The following THRAP3 variants were observed in gnomAD, a reference collection of about 807,000 sequenced individuals.
THRAP3 encodes the protein thyroid hormone receptor-associated protein 3.
Under a neutral mutation model 101.0 loss-of-function variants are expected in THRAP3, and 16 were observed. That is an observed-to-expected ratio of 0.16 (90% confidence interval 0.11 to 0.24). The LOEUF is 0.24. Ranked by LOEUF, THRAP3 falls within the 10% of genes least tolerant of loss-of-function variation. The pLI, the probability that THRAP3 is intolerant of heterozygous loss-of-function variation, is 1.00. For synonymous variants in THRAP3, 407 were observed against 422.6 expected, an observed-to-expected ratio of 0.96 and a Z score of 0.45; for missense variants, 989 against 1,202.7, an observed-to-expected ratio of 0.82 and a Z score of 2.63.
intron 2 of THRAP3, among the ~76,000 whole-genome samples, chr1:36,266,765 A>G (rs1461976345): frequency 6.6e-6 from 1 of 152,224 alleles, no homozygotes; most frequent in African/African-American, 2.4e-5. Flanking sequence ...CAGTCAGAGA[A>G]GGTAGGTGGC....
At chr1:36,279,781 T>C (rs1162367800) in intron 2 of THRAP3, among the ~76,000 whole-genome samples, 1 of 152,218 alleles carries the variant, frequency 6.6e-6, no homozygotes, top group Non-Finnish European at 1.5e-5. Context: ...GCGTTTTTTG[T>C]CTTTTGGAAA....
At chr1:36,277,848 C>A (rs1056411814) in intron 2 of THRAP3, among the ~76,000 whole-genome samples, 1 of 152,072 alleles carries the variant, frequency 6.6e-6, no homozygotes, top group African/African-American at 2.4e-5. Flanking sequence ...CCACCTCTGC[C>A]CCCCAGGTTC....
At chr1:36,223,845 C>A (rs1277547187), upstream of THRAP3, among the ~76,000 whole-genome samples, 3 of 152,130 alleles carry the variant, frequency 2.0e-5, no homozygotes. Context: ...ATTAAAAAAA[C>A]GAAACCAAAC....
intron 7 of THRAP3, 22 bp downstream of exon 7, chr1:36,292,731 T>C: frequency 1.3e-6 from 2 of 1,550,716 alleles, no homozygotes; most frequent in South Asian, 2.4e-5. Context: ...GGCCTTATAC[T>C]GGAGGTTGTA....
rs185354081 is a variant in THRAP3 at position 36,240,527 on chromosome 1, A to T, written c.-135+16022A>T. Among the ~76,000 whole-genome samples the T allele has an allele frequency of 7.4e-4, 112 of 152,282 alleles. 2 individuals are homozygous for T. In the East Asian group the frequency reaches 0.013, roughly 18 times the overall value. On this transcript the variant is annotated intron_variant, in intron 1 of 11. Coordinates refer to ENST00000354618, the MANE Select transcript of THRAP3 (RefSeq NM_005119.4). The stretch of plus-strand genomic sequence containing the variant: ...CCACCCACATTGAGAGTCCAGCTGG[A>T]CATGTGGGCTGGTTCCTCTCACAGT...
intron 7 of THRAP3, 132 bp from the exon 8 acceptor site, chr1:36,293,719 A>C (rs1160882457): frequency 1.2e-5 from 8 of 664,028 alleles, no homozygotes; most frequent in Non-Finnish European, 2.1e-5. Flanking sequence ...AGTAAAAGTA[A>C]TAGATACATA....
chr1:36,264,859 C>T (rs771972759), intron 2 of THRAP3, among the ~76,000 whole-genome samples: 1 of 152,072 alleles, frequency 6.6e-6, no homozygotes, highest in Non-Finnish European at 1.5e-5. Context: ...GCTTCAACAA[C>T]AGCAGTTCTA....
the THRAP3 span, among the ~76,000 whole-genome samples, chr1:36,212,585 C>T: frequency 6.6e-6 from 1 of 151,748 alleles, no homozygotes; most frequent in East Asian, 1.9e-4. Context: ...CATGCTCGGC[C>T]AGTTTTTGTA....
At chr1:36,294,396 A>G (rs1168984867) in intron 8 of THRAP3, among the ~76,000 whole-genome samples, 2 of 152,166 alleles carry the variant, frequency 1.3e-5, no homozygotes, top group South Asian at 2.1e-4. Flanking sequence ...ATTGTACCAT[A>G]TCTATCATCT....
At chr1:36,289,816 C>T (rs749527447) in intron 5 of THRAP3, 52 bp downstream of exon 5, 51 of 1,530,042 alleles carry the variant, frequency 3.3e-5, no homozygotes, top group African/African-American at 2.8e-5. Context: ...TAAGTGGTGT[C>T]GCCTAGCCTT....
intron 10 of THRAP3, 100 bp from the exon 11 acceptor site, chr1:36,301,453 T>C: frequency 7.0e-7 from 1 of 1,431,680 alleles, no homozygotes; most frequent in Non-Finnish European, 9.5e-7. Flanking sequence ...AAGACAGCTG[T>C]CTATTCCACA....
At position 36,259,470 on chromosome 1, in the gene THRAP3, C is replaced by G. The variant is rs1645416517; in HGVS notation, c.-46C>G. 2.5e-6 allele frequency: 1 copy of G among 398,386 alleles called. No homozygotes were observed. Among genetic ancestry groups the G allele is most frequent in the South Asian group, 1.3e-4 (1 of 7,854 alleles). The allele number at this position is 398,386 out of a possible 1,614,324, so 24.7% of individuals were successfully genotyped here. ...GTCTGGGATCCAGTACGAGTTGAATCATTGTTCAAATAAGGTAAAAGCATG... is the reference window on the plus strand; with the variant it reads ...GTCTGGGATCCAGTACGAGTTGAATGATTGTTCAAATAAGGTAAAAGCATG... On this transcript the variant is annotated 5_prime_UTR_variant, in exon 2 of 12. It adds an upstream start codon to the 5' untranslated region. Transcript: ENST00000354618.
the THRAP3 span, among the ~76,000 whole-genome samples, chr1:36,215,048 C>T: frequency 5.3e-5 from 8 of 151,122 alleles, no homozygotes; most frequent in Non-Finnish European, 1.0e-4. Flanking sequence ...GATGAAACCC[C>T]GTCTCTACTA....
chr1:36,287,396 G>A (rs930040980), intron 4 of THRAP3, 126 bp downstream of exon 4: 50 of 1,384,448 alleles, frequency 3.6e-5, no homozygotes, highest in South Asian at 2.4e-4. Context: ...TAGACTTTTC[G>A]TTAGTAAACA....
rs1275858023 is a variant in THRAP3 at position 36,292,256 on chromosome 1, CTTTGTTTCTTTTTTTTT to C, written c.1919-338_1919-322del. ...CTGCCTTTGGTAACATAATGTGTTT[CTTTGTTTCTTTTTTTTT>C]TTTTTTTTTTTTTTTTGAGACGGAG... On this transcript the variant is annotated intron_variant, in intron 6 of 11. Transcript: ENST00000354618. Among the ~76,000 whole-genome samples, 366 of 54,564 alleles carry C rather than the reference CTTTGTTTCTTTTTTTTT, an allele frequency of 6.7e-3. 16 individuals are homozygous for C. Among genetic ancestry groups the C allele is most frequent in the African/African-American group, 0.016 (287 of 17,956 alleles). The allele number at this position is 54,564 out of a possible 152,430, so 35.8% of individuals were successfully genotyped here.
chr1:36,224,629 C>G (rs1372901444), intron 1 of THRAP3, 124 bp downstream of exon 1: 2 of 152,582 alleles, frequency 1.3e-5, no homozygotes, highest in East Asian at 1.9e-4. Context: ...GTCGCTCCCC[C>G]CAGCTTACAC....
At position 36,265,658 on chromosome 1, in the gene THRAP3, A is replaced by G. The variant is rs182696773; in HGVS notation, c.-32+6174A>G. Reference sequence around the variant, plus strand: ...GAAATCTGCTTTAATGAGAAAGCAAAAATTATTTATTTTTTAAATTTTAAG... The same window carrying G: ...GAAATCTGCTTTAATGAGAAAGCAAGAATTATTTATTTTTTAAATTTTAAG... On this transcript the variant is annotated intron_variant, in intron 2 of 11. Coordinates refer to ENST00000354618, the MANE Select transcript of THRAP3 (RefSeq NM_005119.4). 2.4e-4 allele frequency among the ~76,000 whole-genome samples: 37 copies of G among 152,158 alleles called. 1 individual carries two copies. Among genetic ancestry groups the G allele is most frequent in the Middle Eastern group, 6.8e-3 (2 of 294 alleles).
chr1:36,223,856 C>T (rs1485093079), upstream of THRAP3, among the ~76,000 whole-genome samples: 1 of 152,146 alleles, frequency 6.6e-6, no homozygotes, highest in East Asian at 1.9e-4. Context: ...GAAACCAAAC[C>T]AACCCCTCCA....
At chr1:36,214,065 A>AGAAG in the THRAP3 span, among the ~76,000 whole-genome samples, 1 of 150,658 alleles carries the variant, frequency 6.6e-6, no homozygotes, top group Non-Finnish European at 1.5e-5. Context: ...AAAGAAAGAA[A>AGAAG]GACAACTCCT....
Sources: gnomAD v4.1 joint callset for allele counts (sites outside exome capture counted in the v4.1 genomes callset) on GRCh38, gnomAD v4.1.1 for gene constraint, MANE v1.5 for transcripts, NCBI Gene and HGNC (gene_info 2026-07-23, HGNC 2026-07-21) for gene names.